The following KANK1 variants were observed in gnomAD, a reference collection of about 807,000 sequenced individuals.
The protein encoded by KANK1 is KN motif and ankyrin repeat domain-containing protein 1.
A neutral mutation model predicts 106.2 loss-of-function variants in KANK1; 109 were observed. The observed-to-expected ratio is 1.03, with a 90% CI of 0.88 to 1.20. The LOEUF is 1.20. KANK1 is among the 50% of genes most tolerant of loss of function. KANK1 has a pLI of 0.00. For missense variants in KANK1, 2,399 were observed against 1,710.7 expected (o/e 1.40, Z -7.10); for synonymous variants, 873 against 652.2 (o/e 1.34, Z -5.16).
chr9:671,048 C>T (rs1316480620), intron 1 of KANK1, among the ~76,000 whole-genome samples: 1 of 145,584 alleles, frequency 6.9e-6, no homozygotes, highest in African/African-American at 2.5e-5. Flanking sequence ...GTGATAATCT[C>T]GATGGTGTAT....
At chr9:570,138 G>C (rs1390712214) in intron 1 of KANK1, among the ~76,000 whole-genome samples, 20 of 152,142 alleles carry the variant, frequency 1.3e-4, no homozygotes, top group Admixed American at 1.3e-3. Context: ...TGTGCTTGGA[G>C]AGTGCTCTCT....
intron 1 of KANK1, among the ~76,000 whole-genome samples, chr9:644,493 T>C (rs1839214986): frequency 6.6e-6 from 1 of 150,908 alleles, no homozygotes; most frequent in Non-Finnish European, 1.5e-5. Context: ...CTTAGAATCA[T>C]GGCAGAAGGC....
chr9:667,141 C>T (rs140718084), intron 1 of KANK1, among the ~76,000 whole-genome samples: 4 of 151,470 alleles, frequency 2.6e-5, no homozygotes, highest in African/African-American at 4.8e-5. Context: ...ATTGGTTTGT[C>T]GAGGTTTTCT....
At chr9:655,551 C>G (rs151099062) in intron 1 of KANK1, among the ~76,000 whole-genome samples, 1 of 152,132 alleles carries the variant, frequency 6.6e-6, no homozygotes, top group South Asian at 2.1e-4. Flanking sequence ...CAGATTGATT[C>G]TGTAGGTCTA....
intron 3 of KANK1, among the ~76,000 whole-genome samples, chr9:491,708 T>C (rs1003681033): frequency 6.6e-6 from 1 of 152,212 alleles, no homozygotes; most frequent in Admixed American, 6.5e-5. Flanking sequence ...GCAGGAGTGA[T>C]ATGGTTTGGC....
intron 1 of KANK1, among the ~76,000 whole-genome samples, chr9:561,944 T>G (rs1009877630): frequency 6.6e-6 from 1 of 152,136 alleles, no homozygotes; most frequent in African/African-American, 2.4e-5. Context: ...TGCTGTTAGG[T>G]TGCATGTATG....
intron 3 of KANK1, among the ~76,000 whole-genome samples, chr9:721,069 C>G (rs1313759594): frequency 6.6e-6 from 1 of 152,154 alleles, no homozygotes; most frequent in Admixed American, 6.5e-5. Flanking sequence ...CTGATGCCTG[C>G]AATTGGAGAC....
chr9:484,191 G>C (rs1333323987), intron 3 of KANK1: 4 of 152,212 alleles, frequency 2.6e-5, no homozygotes, highest in African/African-American at 7.2e-5. Flanking sequence ...CTATGAAGGG[G>C]CTTGCAGATG....
intron 3 of KANK1, among the ~76,000 whole-genome samples, chr9:729,045 T>C (rs1057325325): frequency 1.3e-5 from 2 of 152,380 alleles, no homozygotes; most frequent in East Asian, 3.8e-4. Context: ...TGGTCATTCA[T>C]ACTTGGCTCA....
chr9:472,502 G>A (rs1199360250), intron 2 of KANK1, among the ~76,000 whole-genome samples: 1 of 152,164 alleles, frequency 6.6e-6, no homozygotes, highest in Non-Finnish European at 1.5e-5. Flanking sequence ...GTCAAGTGTA[G>A]GCCATAAAGA....
chr9:496,105 C>G (rs537111688), intron 3 of KANK1, among the ~76,000 whole-genome samples: 2 of 152,288 alleles, frequency 1.3e-5, no homozygotes, highest in South Asian at 2.1e-4. Context: ...CTTCTTGCAG[C>G]TATTTGAACC....
chr9:565,054 AAG>A (rs1491445657), intron 1 of KANK1, among the ~76,000 whole-genome samples: 1 of 152,186 alleles, frequency 6.6e-6, no homozygotes, highest in Non-Finnish European at 1.5e-5. Flanking sequence ...GTGGGTAGAG[AAG>A]AGAGACCAAA....
intron 2 of KANK1, among the ~76,000 whole-genome samples, chr9:691,376 A>G (rs116285255): frequency 6.6e-6 from 1 of 151,068 alleles, no homozygotes; most frequent in East Asian, 1.9e-4. Context: ...AAGTCTTTTG[A>G]TAGTTTTAAA....
At chr9:507,987 A>G (rs1414137739) in intron 1 of KANK1, among the ~76,000 whole-genome samples, 1 of 151,344 alleles carries the variant, frequency 6.6e-6, no homozygotes, top group African/African-American at 2.4e-5. Flanking sequence ...CACTTGGCTA[A>G]TTTTTGTATT....
At chr9:517,565 G>A (rs943018087) in intron 1 of KANK1, among the ~76,000 whole-genome samples, 1 of 151,402 alleles carries the variant, frequency 6.6e-6, no homozygotes, top group Non-Finnish European at 1.5e-5. Context: ...TTTTCCTTTA[G>A]TGAAATCCTA....
At chr9:619,680 A>G (rs959242549) in intron 1 of KANK1, among the ~76,000 whole-genome samples, 8 of 152,204 alleles carry the variant, frequency 5.3e-5, no homozygotes, top group African/African-American at 1.9e-4. Context: ...AGATGTTCGT[A>G]GATCAGCCGT....
At chr9:576,451 C>T (rs1820587622) in intron 1 of KANK1, among the ~76,000 whole-genome samples, 1 of 152,180 alleles carries the variant, frequency 6.6e-6, no homozygotes, top group African/African-American at 2.4e-5. Context: ...GCCTATCTTT[C>T]CCACAGTTCC....
intron 2 of KANK1, chr9:707,182 C>G (rs946518406): frequency 3.0e-6 from 3 of 985,814 alleles, no homozygotes; most frequent in Non-Finnish European, 3.6e-6. Flanking sequence ...AGGCCGGGTC[C>G]GGCTGAGCTG....
chr9:698,539 C>T (rs1364042312), intron 2 of KANK1, among the ~76,000 whole-genome samples: 5 of 152,190 alleles, frequency 3.3e-5, no homozygotes, highest in South Asian at 2.1e-4. Flanking sequence ...GCCCAGAGAC[C>T]GGATCCTGGT....
Sources: allele counts gnomAD v4.1 joint callset (sites outside exome capture counted in the v4.1 genomes callset), GRCh38; gene constraint gnomAD v4.1.1; transcripts MANE v1.5; gene names NCBI Gene and HGNC (gene_info 2026-07-23, HGNC 2026-07-21).